Variants in TRHDE observed in about 807,000 individuals in gnomAD.
The protein encoded by TRHDE is thyrotropin releasing hormone degrading enzyme, also known as thyrotropin-releasing hormone-degrading ectoenzyme.
TRHDE carries 72 observed loss-of-function variants against 125.7 expected under a neutral mutation model. The observed-to-expected ratio is 0.57, with a 90% CI of 0.47 to 0.70. TRHDE has a LOEUF of 0.70. Ranked by LOEUF, TRHDE falls within the 30% of genes least tolerant of loss-of-function variation. The probability of loss-of-function intolerance (pLI) is 0.00; values close to 1 mark genes in which losing one functional copy is unlikely to be tolerated. For missense variants in TRHDE, 1,110 were observed against 1,327.1 expected (o/e 0.84, Z 2.54); for synonymous variants, 509 against 509.1 (o/e 1.00, Z 0.00).
intron 12 of TRHDE, among the ~76,000 whole-genome samples, chr12:72,614,322 A>ATGTG (rs777867374): frequency 1.3e-4 from 11 of 87,046 alleles, no homozygotes; most frequent in Admixed American, 2.3e-4. Flanking sequence ...GTATATATAT[A>ATGTG]TATATATATT....
intron 3 of TRHDE, among the ~76,000 whole-genome samples, chr12:72,389,472 C>G (rs985198518): frequency 2.0e-5 from 3 of 152,138 alleles, no homozygotes; most frequent in Non-Finnish European, 4.4e-5. Flanking sequence ...TACCATAGAC[C>G]GGGTGACTAA....
chr12:72,144,366 C>T (rs1876181536), intron 2 of TRHDE, among the ~76,000 whole-genome samples: 1 of 152,232 alleles, frequency 6.6e-6, no homozygotes, highest in South Asian at 2.1e-4. Flanking sequence ...CTACTAATTG[C>T]TAGCTGATTG....
At chr12:72,170,548 A>G (rs1255931384) in intron 2 of TRHDE, among the ~76,000 whole-genome samples, 1 of 152,078 alleles carries the variant, frequency 6.6e-6, no homozygotes, top group African/African-American at 2.4e-5. Flanking sequence ...CTCAAACTTT[A>G]GTGAGCATCA....
At chr12:72,414,257 G>A (rs1873636580) in intron 3 of TRHDE, among the ~76,000 whole-genome samples, 1 of 152,010 alleles carries the variant, frequency 6.6e-6, no homozygotes, top group African/African-American at 2.4e-5. Context: ...AGGAAGCAAT[G>A]AAACTAGTTA....
intron 12 of TRHDE, among the ~76,000 whole-genome samples, chr12:72,614,837 T>C (rs1191765598): frequency 6.6e-6 from 1 of 152,178 alleles, no homozygotes; most frequent in East Asian, 1.9e-4. Context: ...GAATGGTTTT[T>C]AAAAAGCAAT....
intron 3 of TRHDE, among the ~76,000 whole-genome samples, chr12:72,387,745 G>A (rs185091119): frequency 2.0e-5 from 3 of 152,106 alleles, no homozygotes; most frequent in East Asian, 3.9e-4. Flanking sequence ...TGTTCTCCTG[G>A]TAGTGAATAA....
chr12:72,325,159 T>TA lies in TRHDE; in HGVS notation c.1188+38205_1188+38206insA, dbSNP rs1264601774. Among the ~76,000 whole-genome samples, 34 of 19,832 alleles carry TA rather than the reference T, an allele frequency of 1.7e-3. No individual in the cohort carries two copies. The South Asian group carries it at 0.054, about 31-fold the overall frequency. 13.0% of individuals were successfully genotyped at this position (19,832 alleles called of 152,430 possible). On this transcript the variant is annotated intron_variant, in intron 2 of 18. Coordinates refer to ENST00000261180, the MANE Select transcript of TRHDE (RefSeq NM_013381.3). ...ACATTGCCCACAGCCATTTGCTTCA[T>TA]TTTTTTTTAACTTGAAAAAACCCTT...
chr12:72,152,655 A>G (rs1876397035), intron 2 of TRHDE, among the ~76,000 whole-genome samples: 1 of 152,218 alleles, frequency 6.6e-6, no homozygotes, highest in African/African-American at 2.4e-5. Flanking sequence ...TGAGATAATC[A>G]CGTGTTTTTT....
chr12:72,405,406 C>T (rs1873223158), intron 3 of TRHDE, among the ~76,000 whole-genome samples: 1 of 152,156 alleles, frequency 6.6e-6, no homozygotes, highest in African/African-American at 2.4e-5. Context: ...GCAATGGTCA[C>T]CTACTGTGAT....
At chr12:72,213,729 A>G (rs551434450) in intron 2 of TRHDE, among the ~76,000 whole-genome samples, 19 of 152,284 alleles carry the variant, frequency 1.2e-4, no homozygotes, top group South Asian at 6.2e-4. Context: ...CATTATTTGC[A>G]TGCCATAACA....
chr12:72,453,812 G>T (rs567516082), intron 3 of TRHDE, among the ~76,000 whole-genome samples: 33 of 152,288 alleles, frequency 2.2e-4, no homozygotes, highest in African/African-American at 7.7e-4. Flanking sequence ...AGGGGCCCGG[G>T]TACAGCTCAG....
At position 72,534,604 on chromosome 12, in the gene TRHDE, TAAC is replaced by T. The variant is rs530051849; in HGVS notation, c.1723-7684_1723-7682del. ...AAGATGATATTGATGATGATGAAGA[TAAC>T]AATACCTACATACATTTTTGAAGTT... On this transcript the variant is annotated intron_variant, in intron 6 of 18. Transcript: ENST00000261180. 3.4e-3 allele frequency among the ~76,000 whole-genome samples: 510 copies of T among 152,122 alleles called. 2 individuals are homozygous for T. Among genetic ancestry groups the T allele is most frequent in the African/African-American group, 0.011 (471 of 41,528 alleles).
At chr12:72,237,024 A>G (rs920854373) in intron 2 of TRHDE, among the ~76,000 whole-genome samples, 1 of 152,150 alleles carries the variant, frequency 6.6e-6, no homozygotes, top group Admixed American at 6.5e-5. Context: ...TCTTTTAAGT[A>G]AAATTGTTGG....
intron 7 of TRHDE, among the ~76,000 whole-genome samples, chr12:72,545,763 T>C (rs1869386552): frequency 6.6e-6 from 1 of 151,686 alleles, no homozygotes; most frequent in Non-Finnish European, 1.5e-5. Context: ...TATTTACTTG[T>C]TCACTTTCAT....
chr12:72,224,138 CTATTTATCTATGTATGTATGTATGTATG>C (rs1276803345), intron 2 of TRHDE, among the ~76,000 whole-genome samples: 530 of 52,996 alleles, frequency 0.01, 2 homozygotes, highest in South Asian at 0.017. Context: ...ATCTATCTAT[CTATTTATCTATGTATGTATGTATGTATG>C]TATCTATCTA....
intron 6 of TRHDE, among the ~76,000 whole-genome samples, chr12:72,525,867 T>C (rs930622150): frequency 6.6e-6 from 1 of 152,134 alleles, no homozygotes; most frequent in Non-Finnish European, 1.5e-5. Flanking sequence ...CCATTAGTGA[T>C]TAATGCCAAA....
At chr12:72,132,188 G>T (rs1186367045) in intron 2 of TRHDE, among the ~76,000 whole-genome samples, 1 of 152,184 alleles carries the variant, frequency 6.6e-6, no homozygotes, top group Non-Finnish European at 1.5e-5. Context: ...GTTTAATCAA[G>T]TGGGGAATGT....
chr12:72,409,391 T>A (rs942270545), intron 3 of TRHDE, among the ~76,000 whole-genome samples: 1 of 152,214 alleles, frequency 6.6e-6, no homozygotes, highest in African/African-American at 2.4e-5. Flanking sequence ...GTGGAGCAGA[T>A]CCTATTAATC....
chr12:72,490,854 A>T (rs1363256606), intron 5 of TRHDE, among the ~76,000 whole-genome samples: 1 of 151,536 alleles, frequency 6.6e-6, no homozygotes, highest in African/African-American at 2.4e-5. Flanking sequence ...GATGTAGTTA[A>T]GAGGATACAA....
Sources: allele counts gnomAD v4.1 joint callset (sites outside exome capture counted in the v4.1 genomes callset), GRCh38; gene constraint gnomAD v4.1.1; transcripts MANE v1.5; gene names NCBI Gene and HGNC (gene_info 2026-07-23, HGNC 2026-07-21).